The following CDH13 variants were observed in gnomAD, a reference collection of about 807,000 sequenced individuals.
CDH13 encodes the protein cadherin 13.
A neutral mutation model predicts 63.8 loss-of-function variants in CDH13; 24 were observed. That is an observed-to-expected ratio of 0.38 (90% CI 0.27 to 0.53). The LOEUF (loss-of-function observed/expected upper bound fraction) is 0.53, where lower values mean the gene tolerates loss of function less well. CDH13 is among the 20% of genes least tolerant of loss of function. The pLI is 0.85. For missense variants in CDH13, 1,049 were observed against 903.1 expected (o/e 1.16, Z -2.07); for synonymous variants, 503 against 355.3 (o/e 1.42, Z -4.67).
chr16:83,673,193 C>A (rs1422157157), intron 9 of CDH13, among the ~76,000 whole-genome samples: 1 of 152,304 alleles, frequency 6.6e-6, no homozygotes, highest in South Asian at 2.1e-4. Context: ...TTGTCAAGTA[C>A]ACAATAAAAC....
rs9935262 is a variant in CDH13, at chr16:82,789,242, G to T, written c.46-69120G>T. Among the ~76,000 whole-genome samples the T allele has an allele frequency of 2.6e-3, 398 of 152,298 alleles. 4 individuals carry two copies. Among genetic ancestry groups the T allele is most frequent in the African/African-American group, 9.2e-3 (382 of 41,560 alleles). On this transcript the variant is annotated intron_variant, in intron 1 of 13. Coordinates refer to ENST00000567109, the MANE Select transcript of CDH13 (RefSeq NM_001257.5). The stretch of plus-strand genomic sequence containing the variant: ...TGATCACAGAAACTAGAGAAGTCAC[G>T]AAGAGTAGGTGTTCCTCAGGTTAAT...
intron 1 of CDH13, among the ~76,000 whole-genome samples, chr16:82,720,668 A>C (rs181680475): frequency 6.6e-6 from 1 of 151,410 alleles, no homozygotes; most frequent in South Asian, 2.1e-4. Context: ...GTCTGGGCCA[A>C]GAGTTAGTGT....
chr16:83,163,266 G>A (rs1448970319), intron 4 of CDH13, among the ~76,000 whole-genome samples: 2 of 151,818 alleles, frequency 1.3e-5, no homozygotes, highest in Admixed American at 6.6e-5. Context: ...TATCAGTAGT[G>A]CAAAAAATGG....
intron 1 of CDH13, among the ~76,000 whole-genome samples, chr16:82,695,161 C>G (rs911867192): frequency 1.3e-5 from 2 of 152,114 alleles, no homozygotes; most frequent in African/African-American, 4.8e-5. Flanking sequence ...CGAGTCCAGA[C>G]CCTGGGGGCC....
intron 2 of CDH13, among the ~76,000 whole-genome samples, chr16:82,889,072 C>A (rs73590396): frequency 1.3e-5 from 2 of 152,176 alleles, no homozygotes; most frequent in Non-Finnish European, 2.9e-5. Context: ...GAAGCCTTCT[C>A]TAATGAATGA....
chr16:83,762,456 C>T (rs549356574), intron 11 of CDH13, among the ~76,000 whole-genome samples: 120 of 152,276 alleles, frequency 7.9e-4, no homozygotes, highest in African/African-American at 2.6e-3. Flanking sequence ...AAAATGGAAT[C>T]CCTTTGGGGA....
At chr16:83,751,023 G>A (rs1420074931) in intron 11 of CDH13, among the ~76,000 whole-genome samples, 1 of 151,752 alleles carries the variant, frequency 6.6e-6, no homozygotes, top group Non-Finnish European at 1.5e-5. Context: ...ATAAAGATGT[G>A]AGAAGTTGGG....
intron 5 of CDH13, among the ~76,000 whole-genome samples, chr16:83,290,304 C>A (rs999329275): frequency 4.6e-5 from 7 of 152,092 alleles, no homozygotes; most frequent in African/African-American, 1.7e-4. Flanking sequence ...GTGCTGTATC[C>A]CCACCCACAT....
intron 2 of CDH13, chr16:82,926,061 AT>A (rs1400543435): frequency 6.6e-6 from 1 of 152,214 alleles, no homozygotes; most frequent in African/African-American, 2.4e-5. Flanking sequence ...TAAAAAAGAC[AT>A]TTTAATTAGT....
intron 5 of CDH13, among the ~76,000 whole-genome samples, chr16:83,334,329 T>C: frequency 7.2e-6 from 1 of 138,034 alleles, no homozygotes; most frequent in African/African-American, 2.8e-5. Context: ...TATCTCCCTC[T>C]CTCCCTTTCT....
chr16:83,432,862 T>C (rs899141513), intron 6 of CDH13, among the ~76,000 whole-genome samples: 6 of 152,192 alleles, frequency 3.9e-5, no homozygotes, highest in Non-Finnish European at 8.8e-5. Flanking sequence ...ACCATAAATG[T>C]GTAGTGTTCA....
chr16:82,796,373 G>T (rs2036582644), intron 1 of CDH13, among the ~76,000 whole-genome samples: 1 of 152,002 alleles, frequency 6.6e-6, no homozygotes, highest in Admixed American at 6.5e-5. Flanking sequence ...ATCTCCCCAG[G>T]GTACATTCCC....
intron 2 of CDH13, among the ~76,000 whole-genome samples, chr16:82,969,983 A>G (rs1795892654): frequency 6.6e-6 from 1 of 151,606 alleles, no homozygotes; most frequent in Non-Finnish European, 1.5e-5. Flanking sequence ...ACGTGTGCAG[A>G]ACTTGTAGGT....
chr16:83,043,583 G>T (rs949691712), intron 3 of CDH13, among the ~76,000 whole-genome samples: 1 of 149,746 alleles, frequency 6.7e-6, no homozygotes, highest in Non-Finnish European at 1.5e-5. Context: ...TCAAGGCCAG[G>T]CACAATGGCT....
At chr16:83,040,044 G>A (rs142024250) in intron 3 of CDH13, among the ~76,000 whole-genome samples, 1 of 151,470 alleles carries the variant, frequency 6.6e-6, no homozygotes, top group South Asian at 2.1e-4. Flanking sequence ...GCTTGTGCCT[G>A]TCTTAATGCT....
chr16:83,394,117 G>C (rs1172999341), intron 6 of CDH13, among the ~76,000 whole-genome samples: 1 of 151,892 alleles, frequency 6.6e-6, no homozygotes, highest in African/African-American at 2.4e-5. Flanking sequence ...GGAGGGAGAG[G>C]AGCAGAAAAA....
Position 82,785,579 on chromosome 16 carries a change from A to G in CDH13, c.46-72783A>G, listed in dbSNP as rs2035965205. On this transcript the variant is annotated intron_variant, in intron 1 of 13. Coordinates refer to ENST00000567109, the MANE Select transcript of CDH13 (RefSeq NM_001257.5). ...ATTAATCATGCACTTGATTTTAATA[A>G]CATATACCATCTGGCTCAAGATTTG... Among the ~76,000 whole-genome samples the G allele has an allele frequency of 2.6e-5, 4 of 152,204 alleles. No individual in the cohort carries two copies. In the South Asian group the frequency reaches 8.3e-4, roughly 32 times the overall value.
intron 3 of CDH13, among the ~76,000 whole-genome samples, chr16:83,097,153 C>T (rs575139146): frequency 2.0e-5 from 3 of 152,220 alleles, no homozygotes; most frequent in Non-Finnish European, 2.9e-5. Flanking sequence ...GGAGGAGACT[C>T]GGTTGCCTTT....
intron 4 of CDH13, among the ~76,000 whole-genome samples, chr16:83,209,543 G>C (rs576776169): frequency 6.6e-6 from 1 of 152,304 alleles, no homozygotes; most frequent in African/African-American, 2.4e-5. Context: ...AAGGAGGTTT[G>C]TATGACAGAC....
Sources: allele counts gnomAD v4.1 joint callset (sites outside exome capture counted in the v4.1 genomes callset), GRCh38; gene constraint gnomAD v4.1.1; transcripts MANE v1.5; gene names NCBI Gene and HGNC (gene_info 2026-07-23, HGNC 2026-07-21).